Variants in LRRC1 observed in about 807,000 individuals in gnomAD.
LRRC1 encodes the protein leucine-rich repeat-containing protein 1.
A neutral mutation model predicts 69.9 loss-of-function variants in LRRC1; 28 were observed. The ratio of observed to expected loss-of-function variants is 0.40; its 90% CI spans 0.30 to 0.55. LRRC1 has a LOEUF of 0.55. LRRC1 is among the 20% of genes least tolerant of loss of function. The pLI is 0.47. For missense variants in LRRC1, 498 were observed against 609.0 expected (o/e 0.82, Z 1.92); for synonymous variants, 236 against 240.2 (o/e 0.98, Z 0.16).
chr6:53,841,456 C>G (rs1765786893), intron 1 of LRRC1, among the ~76,000 whole-genome samples: 1 of 151,998 alleles, frequency 6.6e-6, no homozygotes, highest in Non-Finnish European at 1.5e-5. Context: ...TTTTTGTACT[C>G]TTTCATTTTC....
chr6:53,796,209 A>C (rs1163679836), intron 1 of LRRC1, among the ~76,000 whole-genome samples: 2 of 152,226 alleles, frequency 1.3e-5, no homozygotes, highest in East Asian at 1.9e-4. Flanking sequence ...GTGATGCGTT[A>C]TCTCTTCAGA....
At chr6:53,899,355 C>T (rs1767971889) in intron 7 of LRRC1, among the ~76,000 whole-genome samples, 1 of 152,180 alleles carries the variant, frequency 6.6e-6, no homozygotes, top group Non-Finnish European at 1.5e-5. Flanking sequence ...CAGAGGAAAT[C>T]CCAGGGTCAC....
At chr6:53,860,015 C>T (rs1302120850) in intron 2 of LRRC1, among the ~76,000 whole-genome samples, 1 of 152,198 alleles carries the variant, frequency 6.6e-6, no homozygotes, top group Non-Finnish European at 1.5e-5. Context: ...ATTCCACCTT[C>T]TCTCTCCCTT....
intron 2 of LRRC1, among the ~76,000 whole-genome samples, chr6:53,867,970 A>T (rs937777465): frequency 8.4e-4 from 127 of 151,736 alleles, no homozygotes; most frequent in African/African-American, 2.8e-3. Flanking sequence ...AAAAAAAAAA[A>T]ATTTTTTTGT....
chr6:53,828,850 T>C (rs1249119678), intron 1 of LRRC1, among the ~76,000 whole-genome samples: 2 of 152,196 alleles, frequency 1.3e-5, no homozygotes, highest in Non-Finnish European at 1.5e-5. Context: ...GTTTAGCACT[T>C]AGCCTCATCC....
At chr6:53,801,309 C>G (rs151285070) in intron 1 of LRRC1, among the ~76,000 whole-genome samples, 1 of 152,230 alleles carries the variant, frequency 6.6e-6, no homozygotes, top group East Asian at 1.9e-4. Flanking sequence ...TGTTGTCTGT[C>G]ATGTTAAATT....
intron 1 of LRRC1, among the ~76,000 whole-genome samples, chr6:53,841,754 A>T (rs994550748): frequency 2.0e-5 from 3 of 152,162 alleles, no homozygotes; most frequent in African/African-American, 7.2e-5. Context: ...AGACATTTTT[A>T]CATGTCTTTA....
At chr6:53,920,517 C>G (rs1215063872) in intron 12 of LRRC1, 108 bp from the exon 13 acceptor site, 1 of 1,225,150 alleles carries the variant, frequency 8.2e-7, no homozygotes, top group Non-Finnish European at 1.2e-6. Context: ...TTCTGGTGTT[C>G]TACCCCTGGT....
intron 2 of LRRC1, among the ~76,000 whole-genome samples, chr6:53,857,588 G>A (rs934558849): frequency 1.3e-5 from 2 of 152,162 alleles, no homozygotes; most frequent in African/African-American, 2.4e-5. Flanking sequence ...AGAAATTCTC[G>A]AGAGCTTTTA....
chr6:53,916,733 A>G (rs919400821), intron 11 of LRRC1, among the ~76,000 whole-genome samples: 1 of 152,212 alleles, frequency 6.6e-6, no homozygotes, highest in African/African-American at 2.4e-5. Flanking sequence ...AGTAGCAGAA[A>G]GATGAAACTA....
intron 4 of LRRC1, among the ~76,000 whole-genome samples, chr6:53,895,650 T>C (rs1767845807): frequency 6.6e-6 from 1 of 152,236 alleles, no homozygotes. Context: ...ACTTGTTTTC[T>C]GAATCAATAT....
chr6:53,850,062 CTT>C (rs11408594), intron 2 of LRRC1, among the ~76,000 whole-genome samples: 33 of 145,202 alleles, frequency 2.3e-4, no homozygotes, highest in Admixed American at 2.7e-4. Flanking sequence ...AATAAGATTT[CTT>C]TTTTTTTTTT....
chr6:53,818,186 T>C (rs919344168), intron 1 of LRRC1, among the ~76,000 whole-genome samples: 1 of 152,198 alleles, frequency 6.6e-6, no homozygotes, highest in Non-Finnish European at 1.5e-5. Context: ...ACACAGGCTA[T>C]CTTTTAAAAA....
chr6:53,894,567 A>G (rs187213170), intron 4 of LRRC1, among the ~76,000 whole-genome samples: 2 of 152,360 alleles, frequency 1.3e-5, no homozygotes, highest in East Asian at 3.9e-4. Context: ...CCGAAGAGAT[A>G]AAATGACAAT....
chr6:53,921,825 G>A (rs567175339), intron 13 of LRRC1, among the ~76,000 whole-genome samples: 1 of 151,936 alleles, frequency 6.6e-6, no homozygotes, highest in Non-Finnish European at 1.5e-5. Context: ...AGGGCAAAAC[G>A]CAAATTAGGG....
chr6:53,808,779 T>C (rs1214739507), intron 1 of LRRC1, among the ~76,000 whole-genome samples: 1 of 152,068 alleles, frequency 6.6e-6, no homozygotes, highest in Non-Finnish European at 1.5e-5. Flanking sequence ...TTGCATCTGT[T>C]CTGTGAAGGG....
chr6:53,879,916 G>A (rs1331843690), intron 3 of LRRC1, among the ~76,000 whole-genome samples: 3 of 152,212 alleles, frequency 2.0e-5, no homozygotes, highest in Admixed American at 2.0e-4. Flanking sequence ...CACGTGCAAT[G>A]CAGAGATAGC....
Position 53,919,494 on chromosome 6 carries a change from A to G in LRRC1, c.1107-4A>G. 6.5e-7 allele frequency: 1 copy of G among 1,529,540 alleles called. No homozygotes were observed. Among genetic ancestry groups the G allele is most frequent in the South Asian group, 1.3e-5 (1 of 77,884 alleles). 94.7% of individuals were successfully genotyped at this position (1,529,540 alleles called of 1,614,324 possible). A position where few individuals can be genotyped will look rare whatever the true frequency, so the allele number is the denominator to read the frequency against. The stretch of plus-strand genomic sequence containing the variant: ...TCTTTTTTTAAAAAAAAAAAAAAAA[A>G]CAGGTTGCTGCATCTACCTTTATCC... On this transcript the variant is annotated splice_polypyrimidine_tract_variant and splice_region_variant and intron_variant, in intron 11 of 13. Coordinates refer to ENST00000370888, the MANE Select transcript of LRRC1 (RefSeq NM_018214.5).
chr6:53,882,860 G>A (rs747657736), intron 3 of LRRC1, 27 bp from the exon 4 acceptor site: 8 of 1,438,928 alleles, frequency 5.6e-6, no homozygotes, highest in Admixed American at 1.8e-5. Flanking sequence ...TTAATTTACA[G>A]CGTTTTGTTT....
Sources: gnomAD v4.1 joint callset for allele counts (sites outside exome capture counted in the v4.1 genomes callset) on GRCh38, gnomAD v4.1.1 for gene constraint, MANE v1.5 for transcripts, NCBI Gene and HGNC (gene_info 2026-07-23, HGNC 2026-07-21) for gene names.